CACNA1E: variants seen among roughly 807,000 people sequenced by gnomAD.
The protein encoded by CACNA1E is voltage-dependent R-type calcium channel subunit alpha-1E.
In CACNA1E, 40 loss-of-function variants were observed where a neutral mutation model predicts 259.2. The observed-to-expected ratio is 0.15, with a 90% CI of 0.12 to 0.20. CACNA1E has a LOEUF of 0.20. Among genes scored for constraint, CACNA1E ranks in the 10% least tolerant of loss-of-function variants. The pLI, the probability that CACNA1E is intolerant of heterozygous loss-of-function variation, is 1.00. For synonymous variants in CACNA1E, 1,104 were observed against 1,138.5 expected, an observed-to-expected ratio of 0.97 and a Z score of 0.61; for missense variants, 1,874 against 3,040.1, an observed-to-expected ratio of 0.62 and a Z score of 9.02.
At chr1:181,396,997 G>A (rs1033020160) in intron 1 of CACNA1E, among the ~76,000 whole-genome samples, 4 of 152,188 alleles carry the variant, frequency 2.6e-5, no homozygotes, top group Non-Finnish European at 5.9e-5. Flanking sequence ...AGCGAACCTG[G>A]CCAATGGAAC....
In CACNA1E at chr1:181,737,837, A is replaced by T. The variant is rs556321924; in HGVS notation, c.3552+183A>T. ...CCCAGACAAGCCCCTTCTTAGCCCAACATACTACAAGGCTCTGCCCCAAAC... is the reference window on the plus strand; with the variant it reads ...CCCAGACAAGCCCCTTCTTAGCCCATCATACTACAAGGCTCTGCCCCAAAC... On this transcript the variant is annotated intron_variant, in intron 23 of 47. Transcript: ENST00000367573. Among the ~76,000 whole-genome samples the T allele has an allele frequency of 2.0e-5, 3 of 152,296 alleles. No individual in the cohort carries two copies. The South Asian group carries it at 6.2e-4, about 32-fold the overall frequency.
intron 34 of CACNA1E, among the ~76,000 whole-genome samples, chr1:181,764,467 G>C (rs957067879): frequency 1.3e-5 from 2 of 152,168 alleles, no homozygotes; most frequent in Non-Finnish European, 2.9e-5. Context: ...GCAAGCCAGT[G>C]AATTCATGGT....
chr1:181,625,903 C>T (rs905181008), intron 6 of CACNA1E, among the ~76,000 whole-genome samples: 2 of 152,152 alleles, frequency 1.3e-5, no homozygotes, highest in African/African-American at 4.8e-5. Context: ...AAGTGTGACT[C>T]TTCCTTTCAC....
chr1:181,632,899 T>A (rs1218368325), intron 6 of CACNA1E, among the ~76,000 whole-genome samples: 3 of 152,192 alleles, frequency 2.0e-5, no homozygotes, highest in Non-Finnish European at 4.4e-5. Flanking sequence ...CAGCCAACAA[T>A]GTTTTAAAGC....
intron 3 of CACNA1E, among the ~76,000 whole-genome samples, chr1:181,570,266 C>T (rs1166960155): frequency 6.6e-6 from 1 of 151,844 alleles, no homozygotes. Flanking sequence ...GAGTCTTGCT[C>T]ACCTTGGAAG....
At chr1:181,650,547 A>C (rs1340441777) in intron 6 of CACNA1E, among the ~76,000 whole-genome samples, 1 of 152,194 alleles carries the variant, frequency 6.6e-6, no homozygotes, top group Non-Finnish European at 1.5e-5. Flanking sequence ...CAGCTTTTAG[A>C]GAGACTCCCA....
intron 1 of CACNA1E, among the ~76,000 whole-genome samples, chr1:181,494,546 G>A (rs1286882693): frequency 6.6e-6 from 1 of 152,132 alleles, no homozygotes; most frequent in Non-Finnish European, 1.5e-5. Flanking sequence ...CTTTTCAACT[G>A]AGAACAAAGA....
At position 181,757,048 on chromosome 1, in the gene CACNA1E, C is replaced by T. The variant is rs1250099316; in HGVS notation, c.4251C>T (p.Ile1417=). 6.2e-7 allele frequency: 1 copy of T among 1,613,678 alleles called. No homozygotes were observed. Among genetic ancestry groups the T allele is most frequent in the Non-Finnish European group, 8.5e-7 (1 of 1,179,740 alleles). ...TCTTCCCCTTCTTCTTTGTCAATATCTTTGTGGCTCTCATCATCATCACCT... is the reference window on the plus strand; with the variant it reads ...TCTTCCCCTTCTTCTTTGTCAATATTTTTGTGGCTCTCATCATCATCACCT... ...FVVFPFFFVN[I]FVALIIITFQ... Residue 1417 remains isoleucine, a synonymous_variant, in exon 30 of 48, where the codon ATC becomes ATT. Transcript: ENST00000367573.
At chr1:181,713,574 A>G (rs1024597541) in intron 8 of CACNA1E, among the ~76,000 whole-genome samples, 1 of 152,208 alleles carries the variant, frequency 6.6e-6, no homozygotes, top group African/African-American at 2.4e-5. Context: ...TTTTATCTGT[A>G]GCTGGAATTA....
chr1:181,625,517 G>C (rs932402695), intron 6 of CACNA1E, among the ~76,000 whole-genome samples: 1 of 152,024 alleles, frequency 6.6e-6, no homozygotes, highest in Non-Finnish European at 1.5e-5. Context: ...GTATGGAAAC[G>C]GCTTCTTTCC....
At chr1:181,599,370 G>A (rs932772268) in intron 6 of CACNA1E, among the ~76,000 whole-genome samples, 9 of 152,070 alleles carry the variant, frequency 5.9e-5, no homozygotes, top group African/African-American at 2.2e-4. Context: ...TATCATTGAC[G>A]GGCATTTAGG....
chr1:181,371,530 C>A (rs1654711350), intron 1 of CACNA1E, among the ~76,000 whole-genome samples: 1 of 152,160 alleles, frequency 6.6e-6, no homozygotes. Flanking sequence ...CCTTGGCCTC[C>A]CAAAGTGCTG....
chr1:181,569,760 C>T (rs1021543011), intron 3 of CACNA1E, among the ~76,000 whole-genome samples: 4 of 152,142 alleles, frequency 2.6e-5, no homozygotes, highest in Admixed American at 6.5e-5. Flanking sequence ...TCTCCTTGAG[C>T]GAAGGGCATT....
At chr1:181,528,299 G>A (rs1318268997) in intron 3 of CACNA1E, among the ~76,000 whole-genome samples, 1 of 151,720 alleles carries the variant, frequency 6.6e-6, no homozygotes, top group Non-Finnish European at 1.5e-5. Context: ...TAAGAAGTAT[G>A]TTTCACCTCC....
At chr1:181,322,828 G>A (rs1228358848) in intron 1 of CACNA1E, among the ~76,000 whole-genome samples, 1 of 152,232 alleles carries the variant, frequency 6.6e-6, no homozygotes, top group African/African-American at 2.4e-5. Context: ...TTGGGGTGAA[G>A]AGAGAGTGCT....
intron 8 of CACNA1E, among the ~76,000 whole-genome samples, chr1:181,711,358 T>G (rs1417660937): frequency 1.3e-5 from 2 of 152,200 alleles, no homozygotes; most frequent in Non-Finnish European, 2.9e-5. Context: ...TGATGGCGTT[T>G]TGTAATACCG....
At chr1:181,571,101 C>T (rs1650363636) in intron 3 of CACNA1E, among the ~76,000 whole-genome samples, 1 of 151,922 alleles carries the variant, frequency 6.6e-6, no homozygotes, top group Non-Finnish European at 1.5e-5. Context: ...GTGCTATGTG[C>T]AGAACTTTAC....
chr1:181,566,502 G>T (rs1649837281), intron 3 of CACNA1E, among the ~76,000 whole-genome samples: 1 of 152,200 alleles, frequency 6.6e-6, no homozygotes, highest in East Asian at 1.9e-4. Context: ...AGAAGGAAAT[G>T]CAGGACCATT....
At chr1:181,343,567 G>A (rs528320280) in intron 1 of CACNA1E, among the ~76,000 whole-genome samples, 62 of 152,286 alleles carry the variant, frequency 4.1e-4, no homozygotes, top group African/African-American at 1.4e-3. Context: ...GGTACAGGGT[G>A]CAGAATCATG....
Sources: allele counts gnomAD v4.1 joint callset (sites outside exome capture counted in the v4.1 genomes callset), GRCh38; gene constraint gnomAD v4.1.1; transcripts MANE v1.5; gene names NCBI Gene and HGNC (gene_info 2026-07-23, HGNC 2026-07-21).